Variants in SPAG16 observed in about 807,000 individuals in gnomAD.
SPAG16 encodes sperm-associated antigen 16 protein.
SPAG16 carries 86 observed loss-of-function variants against 80.4 expected under a neutral mutation model. The ratio of observed to expected loss-of-function variants is 1.07; its 90% CI spans 0.90 to 1.28. The LOEUF is 1.28. Among genes scored for constraint, SPAG16 ranks in the 50% most tolerant of loss-of-function variants. The pLI is 0.00. For missense variants in SPAG16, 870 were observed against 765.3 expected (o/e 1.14, Z -1.61); for synonymous variants, 294 against 265.9 (o/e 1.11, Z -1.03).
intron 15 of SPAG16, among the ~76,000 whole-genome samples, chr2:214,367,956 AT>A (rs1699588310): frequency 6.6e-6 from 1 of 152,180 alleles, no homozygotes; most frequent in South Asian, 2.1e-4. Flanking sequence ...GAAGGTTAGA[AT>A]AATATAAACA....
At chr2:213,696,881 A>G (rs1332087578) in intron 10 of SPAG16, among the ~76,000 whole-genome samples, 1 of 152,300 alleles carries the variant, frequency 6.6e-6, no homozygotes, top group South Asian at 2.1e-4. Flanking sequence ...GAAGAGAAAT[A>G]GTAGCTGGAA....
At chr2:213,672,412 C>T (rs1384724918) in intron 10 of SPAG16, among the ~76,000 whole-genome samples, 3 of 151,836 alleles carry the variant, frequency 2.0e-5, no homozygotes, top group Non-Finnish European at 4.4e-5. Context: ...CTCTTTCTTT[C>T]CAACATTGCC....
chr2:213,352,090 C>T (rs2065362024), intron 7 of SPAG16, among the ~76,000 whole-genome samples: 1 of 151,570 alleles, frequency 6.6e-6, no homozygotes, highest in Non-Finnish European at 1.5e-5. Flanking sequence ...GAAGAGGTTT[C>T]TACCATGGTT....
chr2:213,695,558 T>C (rs532246889), intron 10 of SPAG16, among the ~76,000 whole-genome samples: 31 of 152,292 alleles, frequency 2.0e-4, no homozygotes, highest in African/African-American at 6.7e-4. Context: ...AATATTAGTT[T>C]CAGCTAGTAA....
intron 13 of SPAG16, among the ~76,000 whole-genome samples, chr2:214,076,937 ATCT>A (rs1190345578): frequency 6.6e-6 from 1 of 152,172 alleles, no homozygotes; most frequent in African/African-American, 2.4e-5. Context: ...GTTCAGAGTC[ATCT>A]TATATATGAT....
intron 15 of SPAG16, among the ~76,000 whole-genome samples, chr2:214,320,820 G>T (rs919053221): frequency 3.3e-5 from 5 of 152,216 alleles, no homozygotes; most frequent in Non-Finnish European, 5.9e-5. Context: ...GATGAGATTT[G>T]GGTGGGGAGG....
intron 15 of SPAG16, among the ~76,000 whole-genome samples, chr2:214,320,674 C>T (rs777558602): frequency 9.3e-4 from 141 of 152,190 alleles, no homozygotes; most frequent in Non-Finnish European, 5.0e-4. Flanking sequence ...GGGCAGGGCG[C>T]CTTATAAAAC....
At chr2:213,895,047 G>T (rs2076942738) in intron 11 of SPAG16, among the ~76,000 whole-genome samples, 1 of 95,326 alleles carries the variant, frequency 1.0e-5, no homozygotes, top group Non-Finnish European at 2.1e-5. Flanking sequence ...AAAACAGTAA[G>T]AATTGATAAA....
chr2:213,717,173 T>G (rs573519567), intron 10 of SPAG16, among the ~76,000 whole-genome samples: 1 of 151,432 alleles, frequency 6.6e-6, no homozygotes, highest in South Asian at 2.1e-4. Flanking sequence ...TTTTTTTTTT[T>G]GAGACGGAAT....
At chr2:214,320,397 C>G (rs1696012608) in intron 15 of SPAG16, among the ~76,000 whole-genome samples, 1 of 152,186 alleles carries the variant, frequency 6.6e-6, no homozygotes, top group Non-Finnish European at 1.5e-5. Context: ...ATGTACCATA[C>G]TATTTAATTG....
chr2:213,677,373 A>G (rs549902502), intron 10 of SPAG16, among the ~76,000 whole-genome samples: 14 of 152,332 alleles, frequency 9.2e-5, no homozygotes, highest in African/African-American at 1.9e-4. Flanking sequence ...TGGGAAACCC[A>G]TCTCACATGC....
chr2:213,440,109 T>G (rs892099577), intron 9 of SPAG16, among the ~76,000 whole-genome samples: 28 of 151,650 alleles, frequency 1.8e-4, no homozygotes, highest in Admixed American at 1.6e-3. Flanking sequence ...TCCTGCAGTT[T>G]TGTGTGTGTG....
intron 15 of SPAG16, among the ~76,000 whole-genome samples, chr2:214,223,707 G>A (rs1411818113): frequency 6.6e-6 from 1 of 152,006 alleles, no homozygotes; most frequent in Non-Finnish European, 1.5e-5. Context: ...TATTTATTAA[G>A]TGCAAAGTTT....
At chr2:214,219,659 C>G (rs951206161) in intron 15 of SPAG16, among the ~76,000 whole-genome samples, 12 of 152,068 alleles carry the variant, frequency 7.9e-5, no homozygotes, top group Non-Finnish European at 1.3e-4. Context: ...CTGCCCAGAA[C>G]AGAACTAGAT....
chr2:213,643,346 TTTTATATATATATATATA>T (rs71063763), intron 10 of SPAG16, among the ~76,000 whole-genome samples: 2,327 of 72,500 alleles, frequency 0.032, 305 homozygotes, highest in Middle Eastern at 0.052. Context: ...TGGATCTTAA[TTTTATATATATATATATA>T]TATATATATA....
At chr2:214,234,792 T>C (rs1688964091) in intron 15 of SPAG16, among the ~76,000 whole-genome samples, 1 of 152,082 alleles carries the variant, frequency 6.6e-6, no homozygotes, top group Non-Finnish European at 1.5e-5. Flanking sequence ...TGGTCATGAA[T>C]AAGGAAAAGG....
At chr2:213,765,202 A>G (rs1263600577) in intron 10 of SPAG16, among the ~76,000 whole-genome samples, 1 of 152,022 alleles carries the variant, frequency 6.6e-6, no homozygotes, top group Admixed American at 6.5e-5. Context: ...AACCACGTCT[A>G]TACTAAAAAT....
chr2:213,469,334 G>A (rs2072935805), intron 9 of SPAG16, among the ~76,000 whole-genome samples: 4 of 152,160 alleles, frequency 2.6e-5, no homozygotes, highest in African/African-American at 7.2e-5. Flanking sequence ...ATGCTGAGGT[G>A]AAGTCAATAA....
chr2:213,629,384 A>T (rs1554178), intron 10 of SPAG16, among the ~76,000 whole-genome samples: 66,143 of 152,026 alleles, frequency 0.44, 15,286 homozygotes, highest in African/African-American at 0.58. Context: ...AGGGAATTAA[A>T]ATGTGAATAA....
Sources: gnomAD v4.1 joint callset for allele counts (sites outside exome capture counted in the v4.1 genomes callset) on GRCh38, gnomAD v4.1.1 for gene constraint, MANE v1.5 for transcripts, NCBI Gene and HGNC (gene_info 2026-07-23, HGNC 2026-07-21) for gene names.